Variants in SASH1 observed in about 807,000 individuals in gnomAD.
SASH1 encodes the protein SAM and SH3 domain containing 1.
Under a neutral mutation model 125.2 loss-of-function variants are expected in SASH1, and 44 were observed. The ratio of observed to expected loss-of-function variants is 0.35; its 90% CI spans 0.28 to 0.45. SASH1 has a LOEUF of 0.45. Ranked by LOEUF, SASH1 falls within the 20% of genes least tolerant of loss-of-function variation. The probability of loss-of-function intolerance (pLI) is 1.00; values close to 1 mark genes in which losing one functional copy is unlikely to be tolerated. For synonymous variants in SASH1, 639 were observed against 649.1 expected (o/e 0.98, Z 0.24); for missense variants, 1,426 against 1,614.5 (o/e 0.88, Z 2.00).
chr6:148,300,751 G>A (rs1179780804), intron 1 of SASH1, among the ~76,000 whole-genome samples: 3 of 151,994 alleles, frequency 2.0e-5, no homozygotes, highest in East Asian at 1.9e-4. Context: ...CCAAAATGCT[G>A]GAATTACAAA....
intron 2 of SASH1, among the ~76,000 whole-genome samples, chr6:148,424,854 G>A (rs1775741284): frequency 6.6e-6 from 1 of 152,162 alleles, no homozygotes; most frequent in African/African-American, 2.4e-5. Flanking sequence ...TCCTCAGCCT[G>A]TAGCATCAGT....
At chr6:148,315,747 A>T (rs1172719187) in intron 1 of SASH1, among the ~76,000 whole-genome samples, 1 of 152,114 alleles carries the variant, frequency 6.6e-6, no homozygotes, top group Non-Finnish European at 1.5e-5. Context: ...CTACAGAAAA[A>T]TTAAAAATTA....
intron 8 of SASH1, among the ~76,000 whole-genome samples, chr6:148,490,558 G>A (rs1026937570): frequency 3.9e-5 from 6 of 152,196 alleles, no homozygotes; most frequent in African/African-American, 1.2e-4. Context: ...AGCAGAAACA[G>A]AAGGAATTAC....
intron 1 of SASH1, among the ~76,000 whole-genome samples, chr6:148,281,661 G>A (rs1041871383): frequency 6.6e-6 from 1 of 152,104 alleles, no homozygotes; most frequent in Non-Finnish European, 1.5e-5. Context: ...GGTGGCTCAC[G>A]CCTGTAATCC....
intron 2 of SASH1, among the ~76,000 whole-genome samples, chr6:148,439,427 A>G (rs1583161855): frequency 6.6e-6 from 1 of 152,218 alleles, no homozygotes; most frequent in African/African-American, 2.4e-5. Context: ...CCAACTTCCT[A>G]AAGACATTAA....
intron 4 of SASH1, among the ~76,000 whole-genome samples, chr6:148,463,695 A>G (rs1191904172): frequency 6.7e-6 from 1 of 149,508 alleles, no homozygotes; most frequent in Non-Finnish European, 1.5e-5. Context: ...CTAGACTCAC[A>G]TGTCCAACTG....
chr6:148,330,948 G>T (rs769284746), intron 1 of SASH1, among the ~76,000 whole-genome samples: 6 of 152,152 alleles, frequency 3.9e-5, no homozygotes, highest in Non-Finnish European at 7.4e-5. Flanking sequence ...TGATTCTAAA[G>T]ATCATTTCCC....
At chr6:148,510,322 G>A (rs939521467) in intron 8 of SASH1, among the ~76,000 whole-genome samples, 1 of 152,134 alleles carries the variant, frequency 6.6e-6, no homozygotes, top group African/African-American at 2.4e-5. Flanking sequence ...TTTTTCTCTT[G>A]AAGGTTTTCT....
the SASH1 span, among the ~76,000 whole-genome samples, chr6:148,203,569 G>GA: frequency 2.0e-5 from 3 of 152,128 alleles, no homozygotes; most frequent in African/African-American, 4.8e-5. Context: ...TCTCCCAGGA[G>GA]AAAAAACACT....
chr6:148,350,788 C>A (rs1781700596), intron 1 of SASH1, among the ~76,000 whole-genome samples: 1 of 152,234 alleles, frequency 6.6e-6, no homozygotes, highest in Non-Finnish European at 1.5e-5. Flanking sequence ...TGAGTACAGA[C>A]TGAGACTACA....
intron 1 of SASH1, among the ~76,000 whole-genome samples, chr6:148,328,084 G>A (rs750649435): frequency 6.6e-6 from 1 of 152,146 alleles, no homozygotes; most frequent in East Asian, 1.9e-4. Context: ...AGGCTGAAGT[G>A]CGGTGACTAC....
rs34513109 is a variant in SASH1 at position 148,302,341 on chromosome 6, A to AAAAAAAAAAAAT, written n.74+29964_74+29965insAAAAAAAAAAAT. Among the ~76,000 whole-genome samples the AAAAAAAAAAAAT allele has an allele frequency of 1.4e-3, 143 of 104,442 alleles. 31 individuals are homozygous for AAAAAAAAAAAAT. The highest frequency in any genetic ancestry group is 4.7e-3 in the East Asian group (12 of 2,566). 68.5% of individuals were successfully genotyped at this position (104,442 alleles called of 152,430 possible). A position where few individuals can be genotyped will look rare whatever the true frequency, so the allele number is the denominator to read the frequency against. On this transcript the variant is annotated intron_variant and non_coding_transcript_variant, in intron 1 of 3. Transcript: ENST00000367469. ...AAAAAAAAAAAAAAAAAAAAAAAAA[A>AAAAAAAAAAAAT]CTAGTAATATTATGACCTTGGTTAA...
Position 148,407,747 on chromosome 6 carries a change from C to T in SASH1, c.285+17485C>T, listed in dbSNP as rs2114894689. Among the ~76,000 whole-genome samples, 3 of 152,318 alleles carry T rather than the reference C, an allele frequency of 2.0e-5. 1 individual carries two copies. In the South Asian group the frequency reaches 6.2e-4, roughly 32 times the overall value. ...GCCCGAGTTGAAGCAATTCTCTTGT[C>T]TCAGCCTCCCGAGTAGCTGGGACTA... On this transcript the variant is annotated intron_variant, in intron 2 of 19. Transcript: ENST00000367467.
Position 148,550,542 on chromosome 6 carries a change from T to C in SASH1, c.*1984T>C, listed in dbSNP as rs1782826273. The stretch of plus-strand genomic sequence containing the variant: ...TCTTTAATAATTAATTTTCATCTTC[T>C]ATAAGATGCCATGTGAAGAAGTTGT... On this transcript the variant is annotated 3_prime_UTR_variant, in exon 20 of 20. Transcript: ENST00000367467. The C allele has an allele frequency of 2.0e-5, 3 of 152,264 alleles. No homozygotes were observed. The highest frequency in any genetic ancestry group is 7.2e-5 in the African/African-American group (3 of 41,476). 9.4% of individuals were successfully genotyped at this position (152,264 alleles called of 1,614,324 possible). A position where few individuals can be genotyped will look rare whatever the true frequency, so the allele number is the denominator to read the frequency against.
chr6:148,521,848 TTC>T (rs1780832343), intron 10 of SASH1, among the ~76,000 whole-genome samples: 1 of 152,358 alleles, frequency 6.6e-6, no homozygotes, highest in Non-Finnish European at 1.5e-5. Context: ...GACGCACTTC[TTC>T]TGTTAATTGA....
chr6:148,394,181 C>T (rs1385420328), intron 2 of SASH1, among the ~76,000 whole-genome samples: 2 of 152,140 alleles, frequency 1.3e-5, no homozygotes, highest in African/African-American at 4.8e-5. Flanking sequence ...GCGTGAGTCA[C>T]TGCGCTCAGC....
chr6:148,305,287 A>G (rs575388928), intron 1 of SASH1, among the ~76,000 whole-genome samples: 1 of 152,228 alleles, frequency 6.6e-6, no homozygotes, highest in Admixed American at 6.5e-5. Flanking sequence ...GAAGCTCACC[A>G]AAGCTCTTGC....
chr6:148,417,774 C>G (rs1279461597), intron 2 of SASH1, among the ~76,000 whole-genome samples: 5 of 151,894 alleles, frequency 3.3e-5, no homozygotes, highest in Admixed American at 2.6e-4. Context: ...AAGTTTTTTT[C>G]AGATTACACG....
intron 2 of SASH1, among the ~76,000 whole-genome samples, chr6:148,425,975 A>G (rs933002896): frequency 5.3e-5 from 8 of 151,980 alleles, no homozygotes; most frequent in African/African-American, 1.9e-4. Flanking sequence ...TTGAGATGCC[A>G]AGGCGGGCAG....
Sources: gnomAD v4.1 joint callset for allele counts (sites outside exome capture counted in the v4.1 genomes callset) on GRCh38, gnomAD v4.1.1 for gene constraint, MANE v1.5 for transcripts, NCBI Gene and HGNC (gene_info 2026-07-23, HGNC 2026-07-21) for gene names.